Variants in MDGA2 observed in about 807,000 individuals in gnomAD.
The protein encoded by MDGA2 is MAM domain containing glycosylphosphatidylinositol anchor 2.
A neutral mutation model predicts 117.8 loss-of-function variants in MDGA2; 40 were observed. The observed-to-expected ratio is 0.34, with a 90% CI of 0.26 to 0.44. The LOEUF (loss-of-function observed/expected upper bound fraction) is 0.44. Among genes scored for constraint, MDGA2 ranks in the 20% least tolerant of loss-of-function variants. The pLI is 1.00. For missense variants in MDGA2, 1,123 were observed against 1,250.6 expected (o/e 0.90, Z 1.54); for synonymous variants, 452 against 439.0 (o/e 1.03, Z -0.37).
chr14:47,124,978 TAAC>T (rs1881826762), intron 5 of MDGA2, among the ~76,000 whole-genome samples: 1 of 152,174 alleles, frequency 6.6e-6, no homozygotes, highest in Non-Finnish European at 1.5e-5. Context: ...CCAAGCTGAC[TAAC>T]ATAGGACATC....
At position 46,934,524 on chromosome 14, in the gene MDGA2, A is replaced by G. The variant is rs374086329; in HGVS notation, c.2090-14364T>C. Among the ~76,000 whole-genome samples the G allele has an allele frequency of 1.2e-3, 179 of 152,268 alleles. 1 individual carries two copies. Among genetic ancestry groups the G allele is most frequent in the African/African-American group, 4.1e-3 (172 of 41,570 alleles). ...AGACTATCATAATTACTGAACTGACACGTACTACTGTCCTTGTCTGGTCTG... is the reference window on the plus strand; with the variant it reads ...AGACTATCATAATTACTGAACTGACGCGTACTACTGTCCTTGTCTGGTCTG... On this transcript the variant is annotated intron_variant, in intron 9 of 16. Transcript: ENST00000399232.
intron 1 of MDGA2, among the ~76,000 whole-genome samples, chr14:47,673,896 C>T (rs1898122901): frequency 6.6e-6 from 1 of 151,988 alleles, no homozygotes; most frequent in Non-Finnish European, 1.5e-5. Context: ...CATTCATGCA[C>T]TTGCTCATCC....
rs867039239 is a variant in MDGA2, at chr14:47,540,514, A to G, written c.280+134003T>C. On this transcript the variant is annotated intron_variant, in intron 1 of 16. Transcript: ENST00000399232. The stretch of plus-strand genomic sequence containing the variant: ...TACGTGTGTGTGTTTGTATATGTAT[A>G]TGTATATGTGTGTGTGTGTGTGTGT... Among the ~76,000 whole-genome samples, 9 of 98,340 alleles carry G rather than the reference A, an allele frequency of 9.2e-5. No homozygotes were observed. In the Middle Eastern group the frequency reaches 0.024, roughly 258 times the overall value. The allele number at this position is 98,340 out of a possible 152,430, so 64.5% of individuals were successfully genotyped here.
At chr14:47,596,095 G>C (rs566042976) in intron 1 of MDGA2, among the ~76,000 whole-genome samples, 1 of 152,144 alleles carries the variant, frequency 6.6e-6, no homozygotes, top group Admixed American at 6.5e-5. Flanking sequence ...GGACATAATG[G>C]AAGTATTCTA....
At chr14:47,230,666 T>G (rs1188521089) in intron 2 of MDGA2, among the ~76,000 whole-genome samples, 6 of 151,990 alleles carry the variant, frequency 3.9e-5, no homozygotes. Flanking sequence ...CAACAACACA[T>G]TATATGGGTA....
At chr14:47,243,012 C>A (rs1271458581) in intron 2 of MDGA2, among the ~76,000 whole-genome samples, 1 of 151,784 alleles carries the variant, frequency 6.6e-6, no homozygotes, top group South Asian at 2.1e-4. Context: ...CACCAGTCGA[C>A]ACTCTGTATC....
chr14:47,481,119 C>T (rs1893946174), intron 1 of MDGA2, among the ~76,000 whole-genome samples: 1 of 151,942 alleles, frequency 6.6e-6, no homozygotes, highest in Non-Finnish European at 1.5e-5. Context: ...AGATCCAGTT[C>T]TTGCCTAAGT....
Position 46,906,935 on chromosome 14 carries a change from T to C in MDGA2, c.2238+13077A>G, listed in dbSNP as rs532351454. Among the ~76,000 whole-genome samples, 16 of 151,446 alleles carry C rather than the reference T, an allele frequency of 1.1e-4. No individual in the cohort carries two copies. The South Asian group carries it at 3.3e-3, about 32-fold the overall frequency. On this transcript the variant is annotated intron_variant, in intron 10 of 16. Coordinates refer to ENST00000399232, the MANE Select transcript of MDGA2 (RefSeq NM_001113498.3). ...TTACCAATTGACTGCCATTAAGCAA[T>C]CTCAATTACAACACTGCATTCTTTG...
intron 8 of MDGA2, among the ~76,000 whole-genome samples, chr14:46,977,707 C>G (rs1484632525): frequency 6.6e-6 from 1 of 151,738 alleles, no homozygotes; most frequent in Non-Finnish European, 1.5e-5. Context: ...CTTTTATAAA[C>G]CAGTTACAGA....
intron 9 of MDGA2, among the ~76,000 whole-genome samples, chr14:46,936,026 G>A (rs1884767525): frequency 7.3e-5 from 10 of 137,306 alleles, no homozygotes; most frequent in Admixed American, 7.3e-4. Context: ...AATAATAATT[G>A]GGATTGTAGA....
intron 1 of MDGA2, among the ~76,000 whole-genome samples, chr14:47,546,712 G>A (rs1895469855): frequency 6.6e-6 from 1 of 152,140 alleles, no homozygotes; most frequent in Non-Finnish European, 1.5e-5. Context: ...CATCAAAGAA[G>A]GGTTGTGGGA....
At chr14:46,958,695 C>A (rs1885661240) in intron 8 of MDGA2, among the ~76,000 whole-genome samples, 1 of 152,228 alleles carries the variant, frequency 6.6e-6, no homozygotes, top group Admixed American at 6.5e-5. Context: ...GTGTCCATTT[C>A]ATGCACCTGT....
At chr14:47,178,366 T>A (rs1415221427) in intron 3 of MDGA2, among the ~76,000 whole-genome samples, 2 of 152,130 alleles carry the variant, frequency 1.3e-5, no homozygotes, top group African/African-American at 4.8e-5. Context: ...ACATCAGTGT[T>A]TTTTCCCTAT....
intron 11 of MDGA2, among the ~76,000 whole-genome samples, 199 bp downstream of exon 11, chr14:46,881,844 CT>C (rs1486039156): frequency 6.6e-6 from 1 of 151,872 alleles, no homozygotes; most frequent in Non-Finnish European, 1.5e-5. Flanking sequence ...TATTCTATAT[CT>C]CTACATTTGT....
intron 2 of MDGA2, among the ~76,000 whole-genome samples, chr14:47,279,291 T>C (rs554322908): frequency 2.1e-4 from 32 of 152,290 alleles, no homozygotes; most frequent in Non-Finnish European, 4.0e-4. Context: ...TAAGTCTCTA[T>C]TTTCCATTTT....
At chr14:47,016,633 T>G (rs1164139090) in intron 8 of MDGA2, among the ~76,000 whole-genome samples, 1 of 152,064 alleles carries the variant, frequency 6.6e-6, no homozygotes, top group Non-Finnish European at 1.5e-5. Flanking sequence ...TCTACTAATT[T>G]GAAACCTATG....
At chr14:46,982,567 G>A (rs1288251889) in intron 8 of MDGA2, among the ~76,000 whole-genome samples, 1 of 151,454 alleles carries the variant, frequency 6.6e-6, no homozygotes, top group Non-Finnish European at 1.5e-5. Flanking sequence ...AAATTAGCTG[G>A]GTGTGGTGGC....
At chr14:46,856,523 T>C (rs753153674) in intron 14 of MDGA2, among the ~76,000 whole-genome samples, 14 of 152,136 alleles carry the variant, frequency 9.2e-5, no homozygotes, top group Non-Finnish European at 1.6e-4. Context: ...AATGATTTCT[T>C]TTATAGAGTG....
chr14:47,416,449 C>T (rs904040273), intron 1 of MDGA2, among the ~76,000 whole-genome samples: 2 of 152,174 alleles, frequency 1.3e-5, no homozygotes, highest in Admixed American at 1.3e-4. Context: ...CCTGCCCCCA[C>T]AGCCATTTCT....
Sources: allele counts gnomAD v4.1 joint callset (sites outside exome capture counted in the v4.1 genomes callset), GRCh38; gene constraint gnomAD v4.1.1; transcripts MANE v1.5; gene names NCBI Gene and HGNC (gene_info 2026-07-23, HGNC 2026-07-21).